The following CCR7 variants were observed in gnomAD, a reference collection of about 807,000 sequenced individuals.
CCR7 encodes the protein C-C motif chemokine receptor 7, also known as C-C chemokine receptor type 7.
In CCR7, 11 loss-of-function variants were observed where a neutral mutation model predicts 26.0. The ratio of observed to expected loss-of-function variants is 0.42; its 90% CI spans 0.27 to 0.70. CCR7 has a LOEUF of 0.70. Ranked by LOEUF, CCR7 falls within the 30% of genes least tolerant of loss-of-function variation. The pLI is 0.23. For missense variants in CCR7, 360 were observed against 504.0 expected, an observed-to-expected ratio of 0.71 and a Z score of 2.74; for synonymous variants, 189 against 202.1, an observed-to-expected ratio of 0.94 and a Z score of 0.55.
chr17:40,563,219 T>A (rs1170175798), intron 1 of CCR7, among the ~76,000 whole-genome samples: 3 of 152,102 alleles, frequency 2.0e-5, no homozygotes, highest in African/African-American at 7.2e-5. Flanking sequence ...TGCCTGAATG[T>A]CCGAAGCAAA....
intron 1 of CCR7, among the ~76,000 whole-genome samples, chr17:40,562,308 A>G (rs751285153): frequency 6.6e-6 from 1 of 152,186 alleles, no homozygotes; most frequent in Non-Finnish European, 1.5e-5. Flanking sequence ...AGCTGCTAAG[A>G]GAGGGACCTG....
At chr17:40,564,596 C>T (rs2036688725) in intron 1 of CCR7, among the ~76,000 whole-genome samples, 1 of 152,162 alleles carries the variant, frequency 6.6e-6, no homozygotes, top group South Asian at 2.1e-4. Context: ...CTCAGAACAC[C>T]CTCAGTGCTT....
At chr17:40,561,869 C>T (rs986521209) in intron 1 of CCR7, among the ~76,000 whole-genome samples, 1 of 152,140 alleles carries the variant, frequency 6.6e-6, no homozygotes, top group African/African-American at 2.4e-5. Flanking sequence ...GGGGAATCCA[C>T]TTTCAGACAG....
At chr17:40,556,980 G>A (rs1426665209) in intron 2 of CCR7, among the ~76,000 whole-genome samples, 5 of 152,178 alleles carry the variant, frequency 3.3e-5, no homozygotes, top group Non-Finnish European at 5.9e-5. Flanking sequence ...CATAAACTCC[G>A]TGAATGGATG....
intron 1 of CCR7, among the ~76,000 whole-genome samples, 185 bp from the exon 2 acceptor site, chr17:40,559,127 G>A (rs1487067769): frequency 1.3e-5 from 2 of 152,184 alleles, no homozygotes; most frequent in Non-Finnish European, 2.9e-5. Flanking sequence ...CGGCATCACT[G>A]TCCTCACCTC....
chr17:40,555,864 G>T lies in CCR7; in HGVS notation c.61-46C>A, dbSNP rs751950812. ...GAAAACAGGCCAGTTTAGCTGGGTG[G>T]CTCCAACTCTGGCTGGGATTTAGCC... On this transcript the variant is annotated intron_variant, in intron 2 of 2. Coordinates refer to ENST00000246657, the MANE Select transcript of CCR7 (RefSeq NM_001838.4). The surrounding 1 kb of genome is among the most constrained non-coding windows in gnomAD (Gnocchi z 5.6). The T allele has an allele frequency of 1.5e-6, 2 of 1,360,412 alleles. No individual in the cohort carries two copies. The highest frequency in any genetic ancestry group is 2.1e-6 in the Non-Finnish European group (2 of 965,390). 84.3% of individuals were successfully genotyped at this position (1,360,412 alleles called of 1,614,324 possible).
chr17:40,564,996 C>T (rs1349425428), intron 1 of CCR7, among the ~76,000 whole-genome samples: 1 of 152,134 alleles, frequency 6.6e-6, no homozygotes, highest in Non-Finnish European at 1.5e-5. Context: ...AGGTCCTAAG[C>T]TCTCTAGGGA....
intron 1 of CCR7, among the ~76,000 whole-genome samples, chr17:40,564,565 C>T (rs940255997): frequency 2.0e-5 from 3 of 152,212 alleles, no homozygotes; most frequent in African/African-American, 4.8e-5. Context: ...ATAAAGGGGG[C>T]GTCTGGAGCT....
At position 40,565,287 on chromosome 17, in the gene CCR7, C is replaced by G. The variant is rs772118504; in HGVS notation, c.10+113G>C. 2.9e-5 allele frequency: 27 copies of G among 931,972 alleles called. 1 individual carries two copies. Among genetic ancestry groups the G allele is most frequent in the Middle Eastern group, 2.1e-4 (1 of 4,776 alleles). 57.7% of individuals were successfully genotyped at this position (931,972 alleles called of 1,614,324 possible). A position where few individuals can be genotyped will look rare whatever the true frequency, so the allele number is the denominator to read the frequency against. The stretch of plus-strand genomic sequence containing the variant: ...GCCCACCAAATCAGAACTGATTTCT[C>G]CAGGAAGCACCCCTATGCGCTCCAC... On this transcript the variant is annotated intron_variant, in intron 1 of 2. Transcript: ENST00000246657.
chr17:40,565,281 A>G (rs1166422800), intron 1 of CCR7, 119 bp downstream of exon 1: 4 of 900,368 alleles, frequency 4.4e-6, no homozygotes, highest in Non-Finnish European at 7.5e-6. Context: ...ATCAGAACTG[A>G]TTTCTCCAGG....
rs567139130 is a variant in CCR7, at chr17:40,553,995, C to T, written c.*747G>A. 2 of 152,340 alleles carry T rather than the reference C, an allele frequency of 1.3e-5. No individual in the cohort carries two copies. The highest frequency in any genetic ancestry group is 6.5e-5 in the Admixed American group (1 of 15,302). 9.4% of individuals were successfully genotyped at this position (152,340 alleles called of 1,614,324 possible). A position where few individuals can be genotyped will look rare whatever the true frequency, so the allele number is the denominator to read the frequency against. On this transcript the variant is annotated 3_prime_UTR_variant, in exon 3 of 3. Coordinates refer to ENST00000246657, the MANE Select transcript of CCR7 (RefSeq NM_001838.4). ...CCTGACATTTCCCTTGTCCTCTCCT[C>T]CCATCCCAGTGGAGCCAAGAGCTGA...
chr17:40,557,813 C>T (rs1166241784), intron 2 of CCR7, among the ~76,000 whole-genome samples: 3 of 152,260 alleles, frequency 2.0e-5, no homozygotes, highest in African/African-American at 7.2e-5. Context: ...AGCCCCACCA[C>T]ATCCTGCCCT....
At chr17:40,562,224 A>G (rs561152071) in intron 1 of CCR7, among the ~76,000 whole-genome samples, 6 of 152,238 alleles carry the variant, frequency 3.9e-5, no homozygotes, top group Admixed American at 3.9e-4. Context: ...CTCATGAGCT[A>G]CCCTGGTGAT....
chr17:40,561,664 A>G (rs2036657215), intron 1 of CCR7, among the ~76,000 whole-genome samples: 1 of 152,208 alleles, frequency 6.6e-6, no homozygotes, highest in Admixed American at 6.5e-5. Context: ...ATGAACTTCC[A>G]TCCCCACATT....
At chr17:40,561,640 C>T (rs959703079) in intron 1 of CCR7, among the ~76,000 whole-genome samples, 1 of 152,138 alleles carries the variant, frequency 6.6e-6, no homozygotes, top group Non-Finnish European at 1.5e-5. Context: ...GCTGGCTGCC[C>T]CCATCTCCAA....
At position 40,557,590 on chromosome 17, in the gene CCR7, G is replaced by C. The variant is rs564994801; in HGVS notation, c.60+1303C>G. Among the ~76,000 whole-genome samples the C allele has an allele frequency of 1.5e-4, 23 of 152,322 alleles. 1 individual carries two copies. The highest frequency in any genetic ancestry group is 5.3e-4 in the African/African-American group (22 of 41,576). On this transcript the variant is annotated intron_variant, in intron 2 of 2. Coordinates refer to ENST00000246657, the MANE Select transcript of CCR7 (RefSeq NM_001838.4). ...GCTGCAGCCTGGGAGCCCTGAAGGAGGCTGCTGCCTTTGGCCCAGCCATGG... is the reference window on the plus strand; with the variant it reads ...GCTGCAGCCTGGGAGCCCTGAAGGACGCTGCTGCCTTTGGCCCAGCCATGG...
chr17:40,564,889 C>A (rs1190398149), intron 1 of CCR7, among the ~76,000 whole-genome samples: 1 of 152,222 alleles, frequency 6.6e-6, no homozygotes, highest in African/African-American at 2.4e-5. Context: ...ATTCTCACAA[C>A]CCAGTCACGT....
rs1422724216 is a variant in CCR7, at chr17:40,554,450, AAC to A, written c.*290_*291del. 7.7e-6 allele frequency: 3 copies of A among 389,082 alleles called. No individual in the cohort carries two copies. The highest frequency in any genetic ancestry group is 1.4e-5 in the Non-Finnish European group (3 of 214,854). 24.1% of individuals were successfully genotyped at this position (389,082 alleles called of 1,614,324 possible). A position where few individuals can be genotyped will look rare whatever the true frequency, so the allele number is the denominator to read the frequency against. ...TGGCCCCTTCACTCCAGCAGGTGGG[AAC>A]AGTTTCTGGACTTTCACTTTCAGTT... On this transcript the variant is annotated 3_prime_UTR_variant, in exon 3 of 3. Coordinates refer to ENST00000246657, the MANE Select transcript of CCR7 (RefSeq NM_001838.4).
chr17:40,563,466 G>A (rs1248011292), intron 1 of CCR7, among the ~76,000 whole-genome samples: 1 of 152,120 alleles, frequency 6.6e-6, no homozygotes, highest in Non-Finnish European at 1.5e-5. Flanking sequence ...GTGCCTCAGA[G>A]CTGCTCATTC....
Sources: allele counts gnomAD v4.1 joint callset (sites outside exome capture counted in the v4.1 genomes callset), GRCh38; gene constraint gnomAD v4.1.1; non-coding constraint Gnocchi (gnomAD v3.1); transcripts MANE v1.5; gene names NCBI Gene and HGNC (gene_info 2026-07-23, HGNC 2026-07-21).